RIMS2: variants seen among roughly 807,000 people sequenced by gnomAD.
RIMS2 encodes regulating synaptic membrane exocytosis protein 2.
RIMS2 carries 59 observed loss-of-function variants against 174.4 expected under a neutral mutation model. The ratio of observed to expected loss-of-function variants is 0.34; its 90% confidence interval spans 0.27 to 0.42. The LOEUF (loss-of-function observed/expected upper bound fraction) is 0.42, where lower values mean the gene tolerates loss of function less well. Among genes scored for constraint, RIMS2 ranks in the 10% least tolerant of loss-of-function variants. The probability of loss-of-function intolerance (pLI) is 1.00; values close to 1 mark genes in which losing one functional copy is unlikely to be tolerated. For synonymous variants in RIMS2, 606 were observed against 572.5 expected (o/e 1.06, Z -0.84); for missense variants, 1,620 against 1,666.3 (o/e 0.97, Z 0.48).
chr8:104,153,037 G>T (rs534748084), intron 19 of RIMS2, among the ~76,000 whole-genome samples: 10 of 152,122 alleles, frequency 6.6e-5, no homozygotes, highest in Non-Finnish European at 1.5e-4. Flanking sequence ...ATAGTGAAAT[G>T]ATTCTGGATG....
At chr8:103,699,822 T>C (rs1036954650) in intron 2 of RIMS2, among the ~76,000 whole-genome samples, 6 of 152,214 alleles carry the variant, frequency 3.9e-5, no homozygotes. Context: ...CATTTTCCTT[T>C]TCTTCTTTGA....
At chr8:103,570,817 TTTAA>T (rs2092750199) in intron 1 of RIMS2, among the ~76,000 whole-genome samples, 2 of 152,312 alleles carry the variant, frequency 1.3e-5, no homozygotes, top group South Asian at 2.1e-4. Flanking sequence ...GAGCTTAGCT[TTTAA>T]TAAGTAGGGA....
intron 1 of RIMS2, among the ~76,000 whole-genome samples, chr8:103,675,874 CTATT>C (rs749872684): frequency 2.0e-5 from 3 of 152,178 alleles, no homozygotes; most frequent in Non-Finnish European, 4.4e-5. Context: ...TTTCTTTTCT[CTATT>C]TACTCTATCA....
chr8:103,813,816 G>A (rs1221491986), intron 3 of RIMS2, among the ~76,000 whole-genome samples: 1 of 152,124 alleles, frequency 6.6e-6, no homozygotes, highest in African/African-American at 2.4e-5. Context: ...TGGACAGTTG[G>A]GTTGGTTCCA....
At chr8:104,156,642 G>A (rs2098725994) in intron 19 of RIMS2, among the ~76,000 whole-genome samples, 1 of 152,162 alleles carries the variant, frequency 6.6e-6, no homozygotes, top group Non-Finnish European at 1.5e-5. Flanking sequence ...TTGTTAAAGT[G>A]TAGTAGAATA....
chr8:103,785,715 A>T (rs2098437213), intron 3 of RIMS2, among the ~76,000 whole-genome samples: 1 of 152,134 alleles, frequency 6.6e-6, no homozygotes, highest in South Asian at 2.1e-4. Flanking sequence ...CATCAAGGAT[A>T]TTGGTCTAAA....
intron 2 of RIMS2, among the ~76,000 whole-genome samples, chr8:103,757,000 TGTGTGTGTGTGAGAGA>T (rs2098024987): frequency 1.4e-5 from 2 of 141,998 alleles, no homozygotes. Flanking sequence ...TGTGTGTGTG[TGTGTGTGTGTGAGAGA>T]GAGAGAGAGA....
exon 16 of RIMS2, chr8:103,975,451 G>T: frequency 6.2e-7 from 1 of 1,612,980 alleles, no homozygotes; most frequent in Non-Finnish European, 8.5e-7. Context: ...TCCTCATCGA[G>T]TAGATGTTAT....
chr8:103,985,860 C>G lies in RIMS2; in HGVS notation c.2928-3445C>G, dbSNP rs73295530. Among the ~76,000 whole-genome samples the G allele has an allele frequency of 4.5e-3, 688 of 152,142 alleles. 6 individuals carry two copies. The highest frequency in any genetic ancestry group is 0.016 in the African/African-American group (650 of 41,518). ...AGGGCATTATGTTAGGTGAAATAAG[C>G]CAGGTATAGAAAATAAATACCACAT... On this transcript the variant is annotated intron_variant, in intron 16 of 23. Transcript: ENST00000504942.
intron 14 of RIMS2, among the ~76,000 whole-genome samples, chr8:103,956,291 A>C (rs2087188450): frequency 2.6e-5 from 4 of 152,234 alleles, no homozygotes; most frequent in African/African-American, 9.6e-5. Flanking sequence ...CCACATAGCC[A>C]AGACAACCAT....
intron 19 of RIMS2, among the ~76,000 whole-genome samples, chr8:104,144,651 T>C (rs1247275948): frequency 2.6e-5 from 4 of 152,132 alleles, no homozygotes; most frequent in African/African-American, 9.6e-5. Flanking sequence ...TCACAGTATA[T>C]CCTTTCATAT....
At chr8:104,017,420 A>ATTTATATATAT (rs1435005558) in intron 19 of RIMS2, among the ~76,000 whole-genome samples, 6 of 152,124 alleles carry the variant, frequency 3.9e-5, no homozygotes, top group Admixed American at 3.9e-4. Flanking sequence ...TCTGTTATAT[A>ATTTATATATAT]TTTAGCCATT....
chr8:103,550,708 A>G (rs1366733156), intron 1 of RIMS2, among the ~76,000 whole-genome samples: 1 of 152,208 alleles, frequency 6.6e-6, no homozygotes, highest in South Asian at 2.1e-4. Context: ...ATAGACCACT[A>G]GCAAGACTAA....
intron 2 of RIMS2, among the ~76,000 whole-genome samples, chr8:103,700,849 A>G (rs1388251940): frequency 1.3e-5 from 2 of 152,016 alleles, no homozygotes; most frequent in Non-Finnish European, 2.9e-5. Context: ...ATTGTTGTCA[A>G]CCTTCAACTG....
At chr8:103,818,185 A>C (rs2098729836) in intron 3 of RIMS2, among the ~76,000 whole-genome samples, 1 of 152,156 alleles carries the variant, frequency 6.6e-6, no homozygotes, top group Non-Finnish European at 1.5e-5. Context: ...TAAAAACTTA[A>C]TGTATTTAAA....
intron 16 of RIMS2, chr8:103,977,269 A>G (rs2093528752): frequency 6.6e-6 from 1 of 152,224 alleles, no homozygotes; most frequent in African/African-American, 2.4e-5. Flanking sequence ...AAGTGTTTGA[A>G]GATGTTGAAT....
intron 21 of RIMS2, 99 bp downstream of exon 27, chr8:104,248,912 T>TCTCTCTCTCTCTCTCTC: frequency 1.6e-6 from 1 of 619,914 alleles, no homozygotes; most frequent in Non-Finnish European, 2.8e-6. Flanking sequence ...TCTCTCTCTC[T>TCTCTCTCTCTCTCTCTC]TTCCCTCTCT....
At chr8:104,117,229 T>C (rs1289682347) in intron 19 of RIMS2, among the ~76,000 whole-genome samples, 2 of 152,126 alleles carry the variant, frequency 1.3e-5, no homozygotes, top group Admixed American at 6.5e-5. Flanking sequence ...TATTAATAGT[T>C]TTAATTACGT....
intron 1 of RIMS2, among the ~76,000 whole-genome samples, chr8:103,550,656 A>G (rs1212549377): frequency 1.3e-5 from 2 of 152,282 alleles, no homozygotes; most frequent in African/African-American, 4.8e-5. Context: ...AAAAAAATCA[A>G]TGTATCTAGG....
Sources: gnomAD v4.1 joint callset for allele counts (sites outside exome capture counted in the v4.1 genomes callset) on GRCh38, gnomAD v4.1.1 for gene constraint, MANE v1.5 for transcripts, NCBI Gene and HGNC (gene_info 2026-07-23, HGNC 2026-07-21) for gene names.